NYAP2: variants seen among roughly 807,000 people sequenced by gnomAD.
The protein encoded by NYAP2 is neuronal tyrosine-phosphorylated phosphoinositide-3-kinase adaptor 2.
Under a neutral mutation model 50.4 loss-of-function variants are expected in NYAP2, and 23 were observed. The observed-to-expected ratio is 0.46, with a 90% CI of 0.33 to 0.65. The LOEUF is 0.65. Ranked by LOEUF, NYAP2 falls within the 30% of genes least tolerant of loss-of-function variation. The pLI is 0.02. For missense variants in NYAP2, 885 were observed against 861.0 expected, an observed-to-expected ratio of 1.03 and a Z score of -0.35; for synonymous variants, 394 against 365.2, an observed-to-expected ratio of 1.08 and a Z score of -0.90.
At chr2:225,442,893 T>C (rs1689492969) in intron 3 of NYAP2, among the ~76,000 whole-genome samples, 1 of 152,166 alleles carries the variant, frequency 6.6e-6, no homozygotes, top group Non-Finnish European at 1.5e-5. Context: ...AGAGGTTTAA[T>C]GGACTCATAG....
chr2:225,667,348 A>G, the NYAP2 span, among the ~76,000 whole-genome samples: 1 of 152,206 alleles, frequency 6.6e-6, no homozygotes, highest in Non-Finnish European at 1.5e-5. Context: ...ACAGTCAGAC[A>G]TAAGACAGTT....
chr2:225,479,662 A>G (rs1194454945), intron 3 of NYAP2, among the ~76,000 whole-genome samples: 1 of 151,832 alleles, frequency 6.6e-6, no homozygotes, highest in East Asian at 1.9e-4. Flanking sequence ...TTTTTTTTAA[A>G]TCCACCAGTA....
At chr2:225,613,336 C>T (rs1017791363) in intron 5 of NYAP2, among the ~76,000 whole-genome samples, 8 of 152,232 alleles carry the variant, frequency 5.3e-5, no homozygotes, top group South Asian at 4.1e-4. Flanking sequence ...CTCATCAAGC[C>T]GGCTTATCCC....
At position 225,640,998 on chromosome 2, in the gene NYAP2, C is replaced by T. The variant is rs141089694; in HGVS notation, c.1829-10434C>T. 6.8e-3 allele frequency among the ~76,000 whole-genome samples: 1,037 copies of T among 152,278 alleles called. 5 individuals are homozygous for T. Among genetic ancestry groups the T allele is most frequent in the South Asian group, 0.022 (106 of 4,830 alleles). On this transcript the variant is annotated intron_variant, in intron 6 of 6. Coordinates refer to ENST00000636099, the Ensembl canonical transcript of NYAP2. ...TTAGGTAGAAACCATTGGGATGATG[C>T]AGAAAGTGCCTTTCCTTGCCTTGCC... is the stretch of plus-strand genomic sequence containing the variant.
intron 3 of NYAP2, among the ~76,000 whole-genome samples, chr2:225,428,253 C>T (rs1332278843): frequency 6.6e-6 from 1 of 152,074 alleles, no homozygotes; most frequent in African/African-American, 2.4e-5. Context: ...GATTATTGCC[C>T]TTTCTTCCCT....
At chr2:225,672,414 A>T in the NYAP2 span, among the ~76,000 whole-genome samples, 1 of 152,180 alleles carries the variant, frequency 6.6e-6, no homozygotes, top group African/African-American at 2.4e-5. Flanking sequence ...GAAGAGCTAA[A>T]GCATTGCTCT....
intron 5 of NYAP2, among the ~76,000 whole-genome samples, chr2:225,613,145 C>A (rs894963631): frequency 6.6e-6 from 1 of 152,266 alleles, no homozygotes; most frequent in South Asian, 2.1e-4. Flanking sequence ...GTGTCTCAGT[C>A]CAAGTCCAAA....
the NYAP2 span, among the ~76,000 whole-genome samples, chr2:225,684,849 C>A: frequency 6.6e-6 from 1 of 152,170 alleles, no homozygotes; most frequent in Non-Finnish European, 1.5e-5. Context: ...CCACAGCCAA[C>A]CAAATATGCT....
At chr2:225,635,761 T>A (rs1693403483) in intron 6 of NYAP2, among the ~76,000 whole-genome samples, 1 of 152,186 alleles carries the variant, frequency 6.6e-6, no homozygotes, top group African/African-American at 2.4e-5. Flanking sequence ...GGAGGAAGAA[T>A]GAGGGGCAGG....
chr2:225,531,092 T>C (rs1691246507), intron 4 of NYAP2, among the ~76,000 whole-genome samples: 2 of 152,210 alleles, frequency 1.3e-5, no homozygotes, highest in African/African-American at 4.8e-5. Context: ...TCTGCTCATT[T>C]CATCTGATCG....
At position 225,569,975 on chromosome 2, in the gene NYAP2, A is replaced by G. The variant is rs1045002303; in HGVS notation, c.524-11966A>G. Among the ~76,000 whole-genome samples, 5 of 152,166 alleles carry G rather than the reference A, an allele frequency of 3.3e-5. No homozygotes were observed. In the East Asian group the frequency reaches 5.8e-4, roughly 18 times the overall value. ...TGTAAAGGATGGAATGGCAGGTGCA[A>G]TCTGAGAGCCTGTAGTAGTAGAGCT... On this transcript the variant is annotated intron_variant, in intron 4 of 6. Coordinates refer to ENST00000636099, the Ensembl canonical transcript of NYAP2.
chr2:225,653,694 ACTC>A (rs1693774888), exon 7 of NYAP2: 1 of 151,976 alleles, frequency 6.6e-6, no homozygotes. Flanking sequence ...ACTGCTCTGA[ACTC>A]CTCTGACTTA....
intron 4 of NYAP2, among the ~76,000 whole-genome samples, chr2:225,543,987 T>G (rs1691522547): frequency 6.6e-6 from 1 of 152,124 alleles, no homozygotes; most frequent in Non-Finnish European, 1.5e-5. Flanking sequence ...CTTGCTAAAT[T>G]GACCCTTTCA....
chr2:225,543,340 T>C (rs2106205168), intron 4 of NYAP2, among the ~76,000 whole-genome samples: 1 of 152,122 alleles, frequency 6.6e-6, no homozygotes, highest in South Asian at 2.1e-4. Context: ...TTAAGACACA[T>C]CTTTAGGTAA....
At chr2:225,598,008 C>T (rs150217327) in intron 5 of NYAP2, among the ~76,000 whole-genome samples, 5 of 152,088 alleles carry the variant, frequency 3.3e-5, no homozygotes, top group South Asian at 2.1e-4. Context: ...AATCATTCTA[C>T]GACCTGAGGT....
intron 4 of NYAP2, among the ~76,000 whole-genome samples, chr2:225,524,959 A>G (rs1269388753): frequency 6.6e-6 from 1 of 152,198 alleles, no homozygotes; most frequent in African/African-American, 2.4e-5. Flanking sequence ...AAGACATACA[A>G]GCAGCCAATA....
At chr2:225,483,552 A>T (rs967806687) in intron 3 of NYAP2, among the ~76,000 whole-genome samples, 1 of 152,184 alleles carries the variant, frequency 6.6e-6, no homozygotes, top group Admixed American at 6.5e-5. Context: ...TTATCACAAG[A>T]GCAACTCTTA....
At chr2:225,466,493 T>C (rs1689920851) in intron 3 of NYAP2, among the ~76,000 whole-genome samples, 1 of 152,236 alleles carries the variant, frequency 6.6e-6, no homozygotes, top group African/African-American at 2.4e-5. Context: ...ACCGCAGGTG[T>C]GAGCTTTGCT....
At position 225,470,405 on chromosome 2, in the gene NYAP2, T is replaced by A. The variant is rs184672017; in HGVS notation, c.222-42966T>A. Among the ~76,000 whole-genome samples the A allele has an allele frequency of 2.4e-3, 361 of 152,316 alleles. 2 individuals are homozygous for A. The highest frequency in any genetic ancestry group is 8.2e-3 in the African/African-American group (341 of 41,570). On this transcript the variant is annotated intron_variant, in intron 3 of 6. Coordinates refer to ENST00000636099, the Ensembl canonical transcript of NYAP2. The stretch of plus-strand genomic sequence containing the variant: ...TTCAATTTGACCTATTCATGAGCAC[T>A]ATATGAAACCCCCAAATTTAGGGGC...
Sources: allele counts gnomAD v4.1 joint callset (sites outside exome capture counted in the v4.1 genomes callset), GRCh38; gene constraint gnomAD v4.1.1; transcripts MANE v1.5; gene names NCBI Gene and HGNC (gene_info 2026-07-23, HGNC 2026-07-21).